Variants in PPP4R2 observed in about 807,000 individuals in gnomAD.
PPP4R2 encodes protein phosphatase 4 regulatory subunit 2.
Under a neutral mutation model 47.2 loss-of-function variants are expected in PPP4R2, and 13 were observed. That is an observed-to-expected ratio of 0.28 (90% confidence interval 0.18 to 0.44). The LOEUF (loss-of-function observed/expected upper bound fraction) is 0.44, where lower values mean the gene tolerates loss of function less well. Among genes scored for constraint, PPP4R2 ranks in the 20% least tolerant of loss-of-function variants. The pLI is 1.00. For missense variants in PPP4R2, 421 were observed against 491.2 expected, an observed-to-expected ratio of 0.86 and a Z score of 1.35; for synonymous variants, 151 against 163.3, an observed-to-expected ratio of 0.92 and a Z score of 0.57.
rs552787191 is a variant in PPP4R2, at chr3:73,068,801, C to T, written c.*3079C>T. 1.3e-5 allele frequency: 2 copies of T among 152,044 alleles called. No individual in the cohort carries two copies. The allele number at this position is 152,044 out of a possible 1,614,324, so 9.4% of individuals were successfully genotyped here. A position where few individuals can be genotyped will look rare whatever the true frequency, so the allele number is the denominator to read the frequency against. On this transcript the variant is annotated 3_prime_UTR_variant, in exon 9 of 9. Transcript: ENST00000356692. ...ACTTGGGCAGAATCTAAAGCTGCTA[C>T]AATGTTTGATTATGAAAAAAATGTA...
At chr3:73,046,448 C>T (rs1702489324) in intron 2 of PPP4R2, among the ~76,000 whole-genome samples, 2 of 152,124 alleles carry the variant, frequency 1.3e-5, no homozygotes, top group South Asian at 2.1e-4. Context: ...TCCCGTGTCT[C>T]CTGGAATTTA....
At chr3:73,062,830 G>C (rs766954474) in intron 5 of PPP4R2, 2 of 1,613,766 alleles carry the variant, frequency 1.2e-6, no homozygotes, top group African/African-American at 2.7e-5. Context: ...CCATGGGTTG[G>C]AGAATTAATG....
intron 3 of PPP4R2, among the ~76,000 whole-genome samples, chr3:73,057,278 T>G (rs1050788432): frequency 2.0e-5 from 3 of 152,162 alleles, no homozygotes; most frequent in African/African-American, 7.2e-5. Context: ...CTAATGGTTG[T>G]CTTTATAGGA....
At chr3:73,019,152 A>T (rs1384171019) in intron 2 of PPP4R2, among the ~76,000 whole-genome samples, 1 of 152,152 alleles carries the variant, frequency 6.6e-6, no homozygotes, top group South Asian at 2.1e-4. Flanking sequence ...ACGAATACTT[A>T]CCATTACAGG....
At chr3:73,033,441 C>T (rs1234340983) in intron 2 of PPP4R2, among the ~76,000 whole-genome samples, 2 of 152,154 alleles carry the variant, frequency 1.3e-5, no homozygotes, top group African/African-American at 2.4e-5. Flanking sequence ...GTTGGTCACT[C>T]TTCAGCAACT....
intron 2 of PPP4R2, among the ~76,000 whole-genome samples, chr3:73,043,251 G>A (rs1702414965): frequency 1.3e-5 from 2 of 152,024 alleles, no homozygotes; most frequent in African/African-American, 4.8e-5. Context: ...GGAACCAAAA[G>A]CAATTGTACA....
intron 2 of PPP4R2, among the ~76,000 whole-genome samples, chr3:73,019,627 G>T (rs115364830): frequency 6.6e-6 from 1 of 152,296 alleles, no homozygotes; most frequent in Admixed American, 6.5e-5. Flanking sequence ...GCTCCCTTTG[G>T]CTTCCCAAAG....
At chr3:73,031,962 T>C (rs1702172366) in intron 2 of PPP4R2, among the ~76,000 whole-genome samples, 2 of 152,232 alleles carry the variant, frequency 1.3e-5, no homozygotes, top group South Asian at 4.1e-4. Flanking sequence ...CTAAATATTA[T>C]TATCCCTGTT....
At chr3:73,034,418 A>T (rs959826759) in intron 2 of PPP4R2, among the ~76,000 whole-genome samples, 1 of 152,368 alleles carries the variant, frequency 6.6e-6, no homozygotes, top group Middle Eastern at 3.4e-3. Flanking sequence ...CCTACCAGTT[A>T]GTGGACACAT....
intron 2 of PPP4R2, among the ~76,000 whole-genome samples, chr3:73,045,162 A>T (rs1020095135): frequency 2.0e-5 from 3 of 152,068 alleles, no homozygotes; most frequent in Non-Finnish European, 4.4e-5. Flanking sequence ...CCTAATTTAA[A>T]TTAATTAGTA....
Position 73,013,990 on chromosome 3 carries a change from A to C in PPP4R2, c.116+15832A>C, listed in dbSNP as rs1244444407. 4.1e-5 allele frequency among the ~76,000 whole-genome samples: 3 copies of C among 73,538 alleles called. 1 individual carries two copies. The highest frequency in any genetic ancestry group is 3.7e-4 in the Admixed American group (3 of 8,062). The allele number at this position is 73,538 out of a possible 152,430, so 48.2% of individuals were successfully genotyped here. A position where few individuals can be genotyped will look rare whatever the true frequency, so the allele number is the denominator to read the frequency against. ...CACAAAAATTTACCTCGTTGTCTTC[A>C]TGGGCTGCATAATATTTTATTGTTT... On this transcript the variant is annotated intron_variant, in intron 2 of 8. Coordinates refer to ENST00000356692, the MANE Select transcript of PPP4R2 (RefSeq NM_174907.4).
intron 2 of PPP4R2, among the ~76,000 whole-genome samples, chr3:73,043,787 A>G (rs1158764874): frequency 6.6e-6 from 1 of 152,218 alleles, no homozygotes; most frequent in Non-Finnish European, 1.5e-5. Flanking sequence ...CATTTTAACT[A>G]TTTGAAGTGT....
rs1159075081 is a variant in PPP4R2, at chr3:73,067,348, G to C, written c.*1626G>C. Reference sequence around the variant, plus strand: ...GATTTGGGGGGCAACCACAAGTTTTGCGTTTTGACTACTTAAATCATCATG... The same window carrying C: ...GATTTGGGGGGCAACCACAAGTTTTCCGTTTTGACTACTTAAATCATCATG... On this transcript the variant is annotated 3_prime_UTR_variant, in exon 9 of 9. Transcript: ENST00000356692. 6.6e-6 allele frequency: 1 copy of C among 152,006 alleles called. No individual in the cohort carries two copies. Among genetic ancestry groups the C allele is most frequent in the Non-Finnish European group, 1.5e-5 (1 of 67,952 alleles). The allele number at this position is 152,006 out of a possible 1,614,324, so 9.4% of individuals were successfully genotyped here. A position where few individuals can be genotyped will look rare whatever the true frequency, so the allele number is the denominator to read the frequency against.
upstream of PPP4R2, chr3:72,996,781 C>T (rs1701349865): frequency 8.5e-6 from 3 of 352,722 alleles, no homozygotes; most frequent in Non-Finnish European, 1.5e-5. Flanking sequence ...GCGAGGACGG[C>T]GGCAGGGAGC....
chr3:73,011,277 C>T (rs535378777), intron 2 of PPP4R2, among the ~76,000 whole-genome samples: 1 of 152,020 alleles, frequency 6.6e-6, no homozygotes, highest in Non-Finnish European at 1.5e-5. Flanking sequence ...GTCAGGAGTT[C>T]GAGACTAGCC....
At chr3:73,054,846 T>G (rs1317194331) in intron 3 of PPP4R2, among the ~76,000 whole-genome samples, 1 of 152,336 alleles carries the variant, frequency 6.6e-6, no homozygotes, top group East Asian at 1.9e-4. Context: ...TTAAAATACA[T>G]GCTTAAGACA....
intron 3 of PPP4R2, among the ~76,000 whole-genome samples, chr3:73,057,096 G>A (rs1234545286): frequency 5.3e-5 from 8 of 152,098 alleles, no homozygotes; most frequent in Admixed American, 5.2e-4. Context: ...AAGGTTTGAA[G>A]AGCCATGAAC....
chr3:73,031,769 C>CT (rs900227746), intron 2 of PPP4R2, among the ~76,000 whole-genome samples: 80 of 152,264 alleles, frequency 5.3e-4, no homozygotes, highest in African/African-American at 1.9e-3. Context: ...GTCTTCCTTA[C>CT]TTAATGCCAT....
At chr3:73,016,951 C>T (rs907081919) in intron 2 of PPP4R2, among the ~76,000 whole-genome samples, 1 of 151,396 alleles carries the variant, frequency 6.6e-6, no homozygotes, top group East Asian at 1.9e-4. Context: ...TTCAGCCACC[C>T]GAGTAGCTGG....
Sources: allele counts gnomAD v4.1 joint callset (sites outside exome capture counted in the v4.1 genomes callset), GRCh38; gene constraint gnomAD v4.1.1; transcripts MANE v1.5; gene names NCBI Gene and HGNC (gene_info 2026-07-23, HGNC 2026-07-21).